MACF1: variants seen among roughly 807,000 people sequenced by gnomAD.
MACF1 encodes the protein microtubule-actin cross-linking factor 1.
A neutral mutation model predicts 854.8 loss-of-function variants in MACF1; 193 were observed. The ratio of observed to expected loss-of-function variants is 0.23; its 90% CI spans 0.20 to 0.25. MACF1 has a LOEUF of 0.25. MACF1 is among the 10% of genes least tolerant of loss of function. MACF1 has a pLI of 1.00. For missense variants in MACF1, 7,722 were observed against 8,929.1 expected (o/e 0.86, Z 5.45); for synonymous variants, 3,185 against 3,226.7 (o/e 0.99, Z 0.44).
rs7540171 is a variant in MACF1 at position 39,454,706 on chromosome 1, A to G, written c.20887-203A>G. On this transcript the variant is annotated intron_variant, in intron 88 of 100. Transcript: ENST00000564288. ...TCCCAGTTACTTGGGAGGCTGAGGC[A>G]GGAGAGTCACTTGAACCCGGGAGGC... Among the ~76,000 whole-genome samples the G allele has an allele frequency of 0.081, 12,259 of 152,164 alleles. 1,301 individuals carry two copies. Among genetic ancestry groups the G allele is most frequent in the African/African-American group, 0.25 (10,379 of 41,438 alleles).
chr1:39,227,920 T>C (rs1382415644), intron 1 of MACF1, among the ~76,000 whole-genome samples: 2 of 152,208 alleles, frequency 1.3e-5, no homozygotes, highest in Non-Finnish European at 2.9e-5. Flanking sequence ...AAGTCCCCCA[T>C]ATTTCCTGTC....
At chr1:39,427,069 G>A (rs1643751726) in intron 61 of MACF1, among the ~76,000 whole-genome samples, 1 of 152,132 alleles carries the variant, frequency 6.6e-6, no homozygotes, top group Admixed American at 6.5e-5. Context: ...ATGTTCAGGT[G>A]ATATATATAC....
intron 2 of MACF1, among the ~76,000 whole-genome samples, chr1:39,094,237 G>A (rs1215226273): frequency 1.3e-5 from 2 of 151,978 alleles, no homozygotes; most frequent in Non-Finnish European, 2.9e-5. Context: ...TTGAAGCCAG[G>A]AGTTCGAGAC....
chr1:39,138,580 G>A (rs545332104), intron 2 of MACF1, among the ~76,000 whole-genome samples: 39 of 150,580 alleles, frequency 2.6e-4, no homozygotes, highest in African/African-American at 9.0e-4. Flanking sequence ...GAGAGACTCT[G>A]TCTCAAAAAA....
In MACF1 at chr1:39,370,097, A is replaced by G. The variant is rs1201342099; in HGVS notation, c.13006A>G (p.Lys4336Glu). 14 of 1,614,170 alleles carry G rather than the reference A, an allele frequency of 8.7e-6. No individual in the cohort carries two copies. The highest frequency in any genetic ancestry group is 1.2e-5 in the Non-Finnish European group (14 of 1,180,002). ...CCGGAAGCTGGTCAGGACCTTCCAG[A>G]AATGGTTGAAAGAAACTGAAGGGAG... is the stretch of plus-strand genomic sequence containing the variant. ...EFRKLVRTFQ[K>E]WLKETEGSIP... The change falls in exon 51 of 101, where the codon AAA (lysine) becomes GAA (glutamate). Residue 4336 changes from lysine (K) to glutamate (E), a missense_variant. Around this residue, in one of 15 missense-constraint regions of MACF1, gnomAD observed 2,807 missense variants for 3,235.8 expected, o/e 0.87. Transcript: ENST00000564288.
chr1:39,267,272 G>A (rs1011257332), intron 6 of MACF1, among the ~76,000 whole-genome samples: 1 of 152,024 alleles, frequency 6.6e-6, no homozygotes, highest in Non-Finnish European at 1.5e-5. Context: ...TGTTCTGTTG[G>A]CCAGGCTGGA....
intron 2 of MACF1, among the ~76,000 whole-genome samples, chr1:39,114,166 C>A (rs1642486486): frequency 6.9e-6 from 1 of 145,018 alleles, no homozygotes; most frequent in Admixed American, 7.3e-5. Flanking sequence ...TTGTCTAAAG[C>A]TCTGTATACT....
intron 56 of MACF1, among the ~76,000 whole-genome samples, chr1:39,384,817 A>T (rs1650545026): frequency 6.6e-6 from 1 of 152,226 alleles, no homozygotes; most frequent in East Asian, 1.9e-4. Context: ...TTGCATGGCA[A>T]AGCAGATGAA....
At chr1:39,304,140 G>C (rs1158361651) in intron 23 of MACF1, among the ~76,000 whole-genome samples, 2 of 147,150 alleles carry the variant, frequency 1.4e-5, no homozygotes, top group Non-Finnish European at 1.5e-5. Flanking sequence ...ATTTACATTA[G>C]GTATATCTCC....
At chr1:39,406,981 C>CT (rs1389748778) in intron 58 of MACF1, among the ~76,000 whole-genome samples, 1 of 152,166 alleles carries the variant, frequency 6.6e-6, no homozygotes, top group African/African-American at 2.4e-5. Flanking sequence ...CCTGGATTCC[C>CT]TAAACTGTTA....
chr1:39,304,211 T>G (rs1646120039), intron 23 of MACF1: 1 of 159,944 alleles, frequency 6.3e-6, no homozygotes, highest in South Asian at 9.0e-5. Flanking sequence ...GGCCCCGGTG[T>G]GTGATGTTCC....
intron 2 of MACF1, among the ~76,000 whole-genome samples, chr1:39,134,831 T>C (rs927991173): frequency 2.6e-5 from 4 of 152,184 alleles, no homozygotes; most frequent in Non-Finnish European, 5.9e-5. Context: ...AGGGTAAATA[T>C]AGTGGCATCA....
intron 2 of MACF1, chr1:39,103,776 G>C (rs1380222481): frequency 6.6e-6 from 1 of 152,192 alleles, no homozygotes; most frequent in Non-Finnish European, 1.5e-5. Flanking sequence ...TTCCCTGCAT[G>C]ATCTTCATGC....
rs1644634619 is a variant in MACF1, at chr1:39,465,014, A to G, written c.21754-81A>G. 3 of 1,223,020 alleles carry G rather than the reference A, an allele frequency of 2.5e-6. No homozygotes were observed. In the East Asian group the frequency reaches 7.0e-5, roughly 28 times the overall value. The allele number at this position is 1,223,020 out of a possible 1,614,324, so 75.8% of individuals were successfully genotyped here. ...AGAAAAATGTAATGATATGATTTTC[A>G]TTCTTTAGTGTTAATTTGACAAAAT... On this transcript the variant is annotated intron_variant, in intron 94 of 100. Coordinates refer to ENST00000564288, the MANE Select transcript of MACF1 (RefSeq NM_001394062.1).
In MACF1 at chr1:39,424,133, A is replaced by G; in HGVS notation, c.16255A>G (p.Thr5419Ala). ...SAELADREKI[T>A]GQLESLESRW... ...AGAGCTGGCTGATAGAGAGAAAATC[A>G]CTGGACAGCTGGAGAGTCTTGAAAG... The change falls in exon 61 of 101, where the codon ACT (threonine) becomes GCT (alanine). Residue 5419 changes from threonine to alanine, a missense_variant. By Grantham distance (58) the Thr-to-Ala change is moderately conservative. Transcript: ENST00000564288. The G allele has an allele frequency of 6.2e-7, 1 of 1,613,440 alleles. No individual in the cohort carries two copies. The highest frequency in any genetic ancestry group is 8.5e-7 in the Non-Finnish European group (1 of 1,179,914).
At chr1:39,344,294 T>C (rs1646997861) in intron 40 of MACF1, among the ~76,000 whole-genome samples, 1 of 151,476 alleles carries the variant, frequency 6.6e-6, no homozygotes, top group Non-Finnish European at 1.5e-5. Context: ...TAGCTGGGCA[T>C]AGTGGCAGGC....
intron 2 of MACF1, chr1:39,102,828 G>A (rs1165341937): frequency 2.8e-6 from 2 of 702,544 alleles, no homozygotes; most frequent in African/African-American, 1.7e-5. Flanking sequence ...GAGCTTTTGC[G>A]ACTGTGTGGT....
intron 6 of MACF1, among the ~76,000 whole-genome samples, chr1:39,270,654 A>T (rs892570164): frequency 2.0e-5 from 3 of 152,136 alleles, no homozygotes; most frequent in Admixed American, 6.5e-5. Flanking sequence ...TTTTACTGGG[A>T]TGTTGGCCTC....
chr1:39,194,351 C>CTTTTCTTTTCT (rs1553162049), intron 2 of MACF1, among the ~76,000 whole-genome samples: 5 of 35,534 alleles, frequency 1.4e-4, no homozygotes, highest in Admixed American at 6.2e-4. Flanking sequence ...CTTTTCTTTT[C>CTTTTCTTTTCT]TTTTTTTTTT....
Sources: allele counts gnomAD v4.1 joint callset (sites outside exome capture counted in the v4.1 genomes callset), GRCh38; gene constraint gnomAD v4.1.1; regional missense constraint gnomAD v4.1.1; transcripts MANE v1.5; gene names NCBI Gene and HGNC (gene_info 2026-07-23, HGNC 2026-07-21).